The following PDZD2 variants were observed in gnomAD, a reference collection of about 807,000 sequenced individuals.
The protein encoded by PDZD2 is PDZ domain containing 2, also known as PDZ domain-containing protein 2.
Under a neutral mutation model 220.7 loss-of-function variants are expected in PDZD2, and 90 were observed. That is an observed-to-expected ratio of 0.41 (90% CI 0.34 to 0.49). The LOEUF (loss-of-function observed/expected upper bound fraction) is 0.49. PDZD2 is among the 20% of genes least tolerant of loss of function. PDZD2 has a pLI of 0.28. For synonymous variants in PDZD2, 1,375 were observed against 1,450.5 expected (o/e 0.95, Z 1.18); for missense variants, 3,174 against 3,608.5 (o/e 0.88, Z 3.08).
chr5:31,764,271 A>G (rs1265260995), intron 1 of PDZD2, among the ~76,000 whole-genome samples: 1 of 152,212 alleles, frequency 6.6e-6, no homozygotes, highest in Non-Finnish European at 1.5e-5. Context: ...GAAGCTCCAG[A>G]TGATAGTCTT....
intron 2 of PDZD2, among the ~76,000 whole-genome samples, chr5:31,908,912 T>C (rs1742931738): frequency 6.6e-6 from 1 of 152,148 alleles, no homozygotes; most frequent in South Asian, 2.1e-4. Flanking sequence ...TGGCTGTGGT[T>C]GGTGCACACC....
At chr5:31,685,088 T>C (rs893502251) in intron 1 of PDZD2, among the ~76,000 whole-genome samples, 1 of 152,206 alleles carries the variant, frequency 6.6e-6, no homozygotes, top group Non-Finnish European at 1.5e-5. Context: ...TTGTTCTCCA[T>C]TACTAAATTC....
intron 2 of PDZD2, among the ~76,000 whole-genome samples, chr5:31,827,699 AT>A (rs775498744): frequency 0.22 from 28,817 of 131,144 alleles, 3,537 homozygotes; most frequent in African/African-American, 0.34. Context: ...CTCAAAAAAA[AT>A]AAATAAATAA....
chr5:31,667,727 G>C (rs1264045350), intron 1 of PDZD2, among the ~76,000 whole-genome samples: 1 of 152,088 alleles, frequency 6.6e-6, no homozygotes, highest in Non-Finnish European at 1.5e-5. Context: ...GCTCACTCCT[G>C]AAGGCGTAGT....
intron 2 of PDZD2, among the ~76,000 whole-genome samples, chr5:31,879,122 T>C (rs1739615753): frequency 6.6e-6 from 1 of 151,052 alleles, no homozygotes. Context: ...GCACGGTGGC[T>C]CACGTCTGTA....
chr5:31,862,324 A>C (rs1580924482), intron 2 of PDZD2, among the ~76,000 whole-genome samples: 1 of 151,684 alleles, frequency 6.6e-6, no homozygotes, highest in African/African-American at 2.4e-5. Flanking sequence ...GGCTGGTCTC[A>C]AACTCCTGAC....
chr5:31,886,241 G>A (rs192799263), intron 2 of PDZD2, among the ~76,000 whole-genome samples: 21 of 152,316 alleles, frequency 1.4e-4, no homozygotes, highest in African/African-American at 5.1e-4. Flanking sequence ...AAACAGATCA[G>A]TGCATATCTT....
chr5:31,886,912 T>C lies in PDZD2; in HGVS notation c.476+87188T>C, dbSNP rs187634325. Among the ~76,000 whole-genome samples, 25 of 152,294 alleles carry C rather than the reference T, an allele frequency of 1.6e-4. No homozygotes were observed. The East Asian group carries it at 4.8e-3, about 29-fold the overall frequency. ...CGGGGTTTCACCACATTGGCCAGGC[T>C]GGTCTTAAACTCCTGACCTCAGGTG... On this transcript the variant is annotated intron_variant, in intron 2 of 24. Coordinates refer to ENST00000438447, the MANE Select transcript of PDZD2 (RefSeq NM_178140.4).
intron 2 of PDZD2, among the ~76,000 whole-genome samples, chr5:31,955,705 T>C (rs1747612976): frequency 1.3e-5 from 2 of 150,062 alleles, no homozygotes; most frequent in Admixed American, 6.7e-5. Flanking sequence ...TTTTTTTTCT[T>C]CTCTAGTTCT....
At chr5:31,678,999 T>A (rs964962094) in intron 1 of PDZD2, among the ~76,000 whole-genome samples, 4 of 152,190 alleles carry the variant, frequency 2.6e-5, no homozygotes, top group Non-Finnish European at 5.9e-5. Context: ...ACTCAACTAC[T>A]TTTTTTCTTT....
At chr5:31,862,541 C>A (rs1482586839) in intron 2 of PDZD2, among the ~76,000 whole-genome samples, 2 of 151,162 alleles carry the variant, frequency 1.3e-5, no homozygotes, top group Non-Finnish European at 2.9e-5. Context: ...AATTGGGAGA[C>A]AACCATGGCA....
chr5:31,698,208 C>T (rs1747458282), intron 1 of PDZD2, among the ~76,000 whole-genome samples: 1 of 149,514 alleles, frequency 6.7e-6, no homozygotes, highest in South Asian at 2.2e-4. Flanking sequence ...CCGGCCCCTT[C>T]CTTATTTCTT....
intron 2 of PDZD2, among the ~76,000 whole-genome samples, chr5:31,830,308 G>A (rs1261885705): frequency 6.7e-6 from 1 of 148,982 alleles, no homozygotes; most frequent in African/African-American, 2.5e-5. Flanking sequence ...TGGGACTACA[G>A]GCGCCCACCA....
At chr5:31,919,351 G>A (rs1014972314) in intron 2 of PDZD2, among the ~76,000 whole-genome samples, 1 of 114,782 alleles carries the variant, frequency 8.7e-6, no homozygotes, top group Non-Finnish European at 1.7e-5. Context: ...GAAGCTCATT[G>A]TCTTGTCTTT....
chr5:31,971,648 AC>A, intron 2 of PDZD2, among the ~76,000 whole-genome samples: 1 of 152,184 alleles, frequency 6.6e-6, no homozygotes, highest in African/African-American at 2.4e-5. Context: ...CTTTTCCCTC[AC>A]TGGAATTCCT....
intron 2 of PDZD2, among the ~76,000 whole-genome samples, chr5:31,865,882 C>T (rs918028348): frequency 5.3e-5 from 8 of 151,242 alleles, no homozygotes; most frequent in Admixed American, 1.3e-4. Flanking sequence ...CTGCCCGCCT[C>T]GCCCTCCCAA....
At chr5:31,988,023 C>A (rs969007855) in intron 3 of PDZD2, among the ~76,000 whole-genome samples, 1 of 152,160 alleles carries the variant, frequency 6.6e-6, no homozygotes, top group African/African-American at 2.4e-5. Context: ...TTTCATTTTG[C>A]CCCCTGGGCT....
intron 2 of PDZD2, among the ~76,000 whole-genome samples, chr5:31,871,309 C>T (rs1186158088): frequency 3.3e-5 from 5 of 152,126 alleles, no homozygotes; most frequent in African/African-American, 1.2e-4. Context: ...TAGAGGATCA[C>T]CTGTATTTGG....
chr5:31,886,727 TTG>T (rs1244824644), intron 2 of PDZD2, among the ~76,000 whole-genome samples: 2 of 151,372 alleles, frequency 1.3e-5, no homozygotes, highest in African/African-American at 2.4e-5. Flanking sequence ...AGACGGAGTC[TTG>T]CTCTGTCGCT....
Sources: allele counts gnomAD v4.1 joint callset (sites outside exome capture counted in the v4.1 genomes callset), GRCh38; gene constraint gnomAD v4.1.1; transcripts MANE v1.5; gene names NCBI Gene and HGNC (gene_info 2026-07-23, HGNC 2026-07-21).